QRFPR: variants seen among roughly 807,000 people sequenced by gnomAD.
QRFPR encodes pyroglutamylated RF-amide peptide receptor.
Under a neutral mutation model 31.3 loss-of-function variants are expected in QRFPR, and 37 were observed. The ratio of observed to expected loss-of-function variants is 1.18; its 90% confidence interval spans 0.91 to 1.56. The LOEUF is 1.56. QRFPR is among the 40% of genes most tolerant of loss of function. The pLI, the probability that QRFPR is intolerant of heterozygous loss-of-function variation, is 0.00. For missense variants in QRFPR, 542 were observed against 532.5 expected, an observed-to-expected ratio of 1.02 and a Z score of -0.18; for synonymous variants, 197 against 192.0, an observed-to-expected ratio of 1.03 and a Z score of -0.22.
intron 3 of QRFPR, 117 bp from the exon 4 acceptor site, chr4:121,333,173 C>G (rs139519471): frequency 6.2e-6 from 4 of 649,168 alleles, no homozygotes; most frequent in Admixed American, 5.8e-5. Context: ...GTCCCCAGCA[C>G]GTATTTCAAA....
rs1194851740 is a variant in QRFPR, at chr4:121,329,322, C to T, written c.1288G>A (p.Gly430Arg). The change falls in exon 6 of 6, where the codon GGG becomes AGG. Residue 430 changes from glycine to arginine, a missense_variant. Transcript: ENST00000394427. ...ELAENSPLDS[G>R]H ...TGAAGATATTGTTATAATTAATGCC[C>T]ACTGTCTAAAGGAGAATTCTCAGCC... The T allele has an allele frequency of 3.7e-6, 6 of 1,600,728 alleles. No individual in the cohort carries two copies. The highest frequency in any genetic ancestry group is 2.3e-5 in the South Asian group (2 of 88,246).
intron 1 of QRFPR, among the ~76,000 whole-genome samples, chr4:121,365,492 ATATATATAATATATATAATATATAT>A (rs1189980733): frequency 0.61 from 11,216 of 18,424 alleles, 2,413 homozygotes; most frequent in Non-Finnish European, 0.63. Flanking sequence ...TAATTAAATT[ATATATATAATATATATAATATATAT>A]TATATATATT....
At chr4:121,371,598 C>T (rs552981932) in intron 1 of QRFPR, among the ~76,000 whole-genome samples, 1 of 152,294 alleles carries the variant, frequency 6.6e-6, no homozygotes, top group South Asian at 2.1e-4. Context: ...GGAAGAGCCA[C>T]TCAGAACTCT....
chr4:121,342,127 C>T (rs1579573275), intron 1 of QRFPR, among the ~76,000 whole-genome samples: 1 of 152,174 alleles, frequency 6.6e-6, no homozygotes, highest in Non-Finnish European at 1.5e-5. Flanking sequence ...CCACTGAAGG[C>T]GCGAATAGAA....
intron 1 of QRFPR, among the ~76,000 whole-genome samples, chr4:121,359,733 A>G (rs115139933): frequency 0.28 from 42,711 of 150,388 alleles, 6,457 homozygotes; most frequent in Middle Eastern, 0.38. Context: ...GTGTGTGTAT[A>G]TATATATTTG....
intron 2 of QRFPR, among the ~76,000 whole-genome samples, chr4:121,337,883 T>C (rs4833714): frequency 0.41 from 62,998 of 152,040 alleles, 14,324 homozygotes; most frequent in East Asian, 0.71. Context: ...AACCCGTGTG[T>C]TTTAACAGAC....
Position 121,336,791 on chromosome 4 carries a change from C to T in QRFPR, c.561+16G>A, listed in dbSNP as rs1259678310. 1.3e-6 allele frequency: 2 copies of T among 1,590,776 alleles called. No individual in the cohort carries two copies. ...ATAGTTCAACAATATGATTATACATCTCAACTGGAGTCTACCTCAAGTTGT... is the reference window on the plus strand; with the variant it reads ...ATAGTTCAACAATATGATTATACATTTCAACTGGAGTCTACCTCAAGTTGT... On this transcript the variant is annotated intron_variant, in intron 3 of 5. Transcript: ENST00000394427.
In QRFPR at chr4:121,333,074, T is replaced by G; in HGVS notation, c.562-18A>C. ...TATTTGATCTTCATAATAAGAATAA[T>G]TCATTAAAAGAACCAGTAGTCAGCA... On this transcript the variant is annotated intron_variant, in intron 3 of 5. Coordinates refer to ENST00000394427, the MANE Select transcript of QRFPR (RefSeq NM_198179.3). 8 of 1,537,756 alleles carry G rather than the reference T, an allele frequency of 5.2e-6. No individual in the cohort carries two copies. The highest frequency in any genetic ancestry group is 7.2e-6 in the Non-Finnish European group (8 of 1,114,406).
At chr4:121,331,340 C>T (rs1725321849) in intron 4 of QRFPR, among the ~76,000 whole-genome samples, 1 of 151,384 alleles carries the variant, frequency 6.6e-6, no homozygotes, top group South Asian at 2.1e-4. Flanking sequence ...CATGCCACTA[C>T]ACCCAGCTAA....
intron 1 of QRFPR, among the ~76,000 whole-genome samples, chr4:121,346,866 G>C (rs1725660263): frequency 2.6e-5 from 4 of 152,240 alleles, no homozygotes; most frequent in Non-Finnish European, 5.9e-5. Flanking sequence ...TGCATACCTG[G>C]AATAAATCCT....
chr4:121,360,691 G>A (rs1319456019), intron 1 of QRFPR, among the ~76,000 whole-genome samples: 1 of 152,036 alleles, frequency 6.6e-6, no homozygotes, highest in Non-Finnish European at 1.5e-5. Flanking sequence ...TCATTCATGG[G>A]TTGCAACTCT....
chr4:121,336,138 G>T (rs193077537), intron 3 of QRFPR, among the ~76,000 whole-genome samples: 1 of 152,052 alleles, frequency 6.6e-6, no homozygotes, highest in Non-Finnish European at 1.5e-5. Flanking sequence ...CTTATCTTAG[G>T]GGGTATGTAA....
chr4:121,369,377 G>A (rs2110483458), intron 1 of QRFPR: 1 of 676,306 alleles, frequency 1.5e-6, no homozygotes, highest in Admixed American at 2.3e-5. Flanking sequence ...AAGATAAAAG[G>A]GCAGTGGAGT....
rs566387652 is a variant in QRFPR at position 121,335,449 on chromosome 4, G to A, written c.561+1358C>T. ...GCTGTTATCTTTGAGAAGTCCTGAA[G>A]CAAACAATCAGTCACAGGCAATACT... On this transcript the variant is annotated intron_variant, in intron 3 of 5. Transcript: ENST00000394427. 2.6e-5 allele frequency among the ~76,000 whole-genome samples: 4 copies of A among 151,954 alleles called. No homozygotes were observed. In the South Asian group the frequency reaches 8.3e-4, roughly 32 times the overall value.
rs747635943 is a variant in QRFPR at position 121,329,540 on chromosome 4, GAGA to G, written c.1067_1069del (p.Phe356del). On this transcript the variant is annotated inframe_deletion, in exon 6 of 6. Coordinates refer to ENST00000394427, the MANE Select transcript of QRFPR (RefSeq NM_198179.3). ...TGAATTTCCATGCCTTTGTGCTGGA[GAGA>G]AGGTTTTATTTACTATGCAATAACA... 2 of 1,613,792 alleles carry G rather than the reference GAGA, an allele frequency of 1.2e-6. No homozygotes were observed. The highest frequency in any genetic ancestry group is 2.2e-5 in the South Asian group (2 of 90,986).
chr4:121,380,238 A>G (rs547574554), intron 1 of QRFPR, 70 bp downstream of exon 1: 24 of 1,055,206 alleles, frequency 2.3e-5, no homozygotes, highest in South Asian at 2.1e-4. Flanking sequence ...AGAGAGAGAG[A>G]GAGAGAGAGA....
At position 121,329,584 on chromosome 4, in the gene QRFPR, A is replaced by T. The variant is rs756430223; in HGVS notation, c.1026T>A (p.Asn342Lys). 1.9e-5 allele frequency: 31 copies of T among 1,610,426 alleles called. No individual in the cohort carries two copies. Among genetic ancestry groups the T allele is most frequent in the East Asian group, 2.2e-5 (1 of 44,806 alleles). ...TGCAATAACAAACTGCAGACAAAAC[A>T]TTTTTTTTGAAGTTTTCATTCATAA... ...YAFMNENFKKNVLSAVCYCIV... is the reference protein window; with the variant it reads ...YAFMNENFKKKVLSAVCYCIV... The change falls in exon 6 of 6, where the codon AAT becomes AAA. Residue 342 changes from asparagine (N) to lysine (K), a missense_variant. Coordinates refer to ENST00000394427, the MANE Select transcript of QRFPR (RefSeq NM_198179.3).
rs6849440 is a variant in QRFPR at position 121,363,374 on chromosome 4, T to A, written c.340+16934A>T. Reference sequence around the variant, plus strand: ...AGAAGGAACCAAAACTATATAACCCTTCACATGTCAATCATGCTGGCCTAA... The same window carrying A: ...AGAAGGAACCAAAACTATATAACCCATCACATGTCAATCATGCTGGCCTAA... On this transcript the variant is annotated intron_variant, in intron 1 of 5. Transcript: ENST00000394427. 3.2e-4 allele frequency among the ~76,000 whole-genome samples: 48 copies of A among 149,430 alleles called. 3 individuals carry two copies. Among genetic ancestry groups the A allele is most frequent in the African/African-American group, 1.1e-3 (45 of 40,424 alleles).
intron 1 of QRFPR, among the ~76,000 whole-genome samples, chr4:121,344,579 T>C (rs1331910253): frequency 1.3e-5 from 2 of 152,192 alleles, no homozygotes; most frequent in Non-Finnish European, 2.9e-5. Flanking sequence ...TTGAGTTCTT[T>C]TAAAAATAGG....
Sources: gnomAD v4.1 joint callset for allele counts (sites outside exome capture counted in the v4.1 genomes callset) on GRCh38, gnomAD v4.1.1 for gene constraint, MANE v1.5 for transcripts, NCBI Gene and HGNC (gene_info 2026-07-23, HGNC 2026-07-21) for gene names.